The following ASPA variants were observed in gnomAD, a reference collection of about 807,000 sequenced individuals.
ASPA encodes the protein aspartoacylase.
ASPA carries 25 observed loss-of-function variants against 29.6 expected under a neutral mutation model. That is an observed-to-expected ratio of 0.85 (90% CI 0.62 to 1.18). The LOEUF (loss-of-function observed/expected upper bound fraction) is 1.18, where lower values mean the gene tolerates loss of function less well. Among genes scored for constraint, ASPA ranks in the 50% most tolerant of loss-of-function variants. The probability of loss-of-function intolerance (pLI) is 0.00; values close to 1 mark genes in which losing one functional copy is unlikely to be tolerated. For missense variants in ASPA, 333 were observed against 385.7 expected, an observed-to-expected ratio of 0.86 and a Z score of 1.14; for synonymous variants, 131 against 130.3, an observed-to-expected ratio of 1.01 and a Z score of -0.04.
chr17:3,489,235 G>T lies in ASPA; in HGVS notation c.527G>T (p.Gly176Val), dbSNP rs2073778831. ...TTRSIAKYPVGIEVGPQPQGV... is the reference protein window; with the variant it reads ...TTRSIAKYPVVIEVGPQPQGV... The stretch of plus-strand genomic sequence containing the variant: ...TGACTATCTCTCCTTCTGTACCTAG[G>T]TATAGAAGTTGGTCCTCAGCCTCAA... The change falls in exon 4 of 6, where the codon GGT becomes GTT. Residue 176 changes from glycine (G) to valine (V), a missense_variant and splice_region_variant. Gly to Val is a moderately radical substitution (Grantham distance 109). Coordinates refer to ENST00000263080, the MANE Select transcript of ASPA (RefSeq NM_000049.4). 1 of 1,591,556 alleles carries T rather than the reference G, an allele frequency of 6.3e-7. No individual in the cohort carries two copies. The highest frequency in any genetic ancestry group is 8.6e-7 in the Non-Finnish European group (1 of 1,160,986).
In ASPA at chr17:3,488,700, G is replaced by C. The variant is rs1265023605; in HGVS notation, c.527-535G>C. Among the ~76,000 whole-genome samples the C allele has an allele frequency of 6.6e-6, 1 of 152,106 alleles. No homozygotes were observed. The highest frequency in any genetic ancestry group is 1.5e-5 in the Non-Finnish European group (1 of 68,012). ...ATAAAACCATTGCACTATTGTGTTA[G>C]GATGGATTGCTAGGTTAAGGGCAAA... On this transcript the variant is annotated intron_variant, in intron 3 of 5. Transcript: ENST00000263080. The surrounding 1 kb of genome is among the most constrained non-coding windows in gnomAD (Gnocchi z 6.1).
At chr17:3,475,664 C>G (rs926842807), upstream of ASPA, 1 of 173,670 alleles carries the variant, frequency 5.8e-6, no homozygotes, top group Non-Finnish European at 1.2e-5. Context: ...ATGAAAAGTG[C>G]TTGAACTCAT....
chr17:3,496,891 C>G (rs1189631439), intron 5 of ASPA, among the ~76,000 whole-genome samples: 1 of 152,058 alleles, frequency 6.6e-6, no homozygotes, highest in Non-Finnish European at 1.5e-5. Flanking sequence ...ACGGTGAAAC[C>G]CCATCTCTAC....
At chr17:3,483,435 G>A in intron 2 of ASPA, 64 bp from the exon 3 acceptor site, 2 of 1,406,804 alleles carry the variant, frequency 1.4e-6, no homozygotes, top group Middle Eastern at 1.8e-4. Context: ...TATTGACTCT[G>A]TTGAAGCAAA....
At chr17:3,487,814 T>C (rs2073754003) in intron 3 of ASPA, among the ~76,000 whole-genome samples, 1 of 152,204 alleles carries the variant, frequency 6.6e-6, no homozygotes, top group Non-Finnish European at 1.5e-5. Flanking sequence ...AGGATTCTAT[T>C]AGAAACAGGA....
chr17:3,476,241 G>C lies in ASPA; in HGVS notation c.82G>C (p.Val28Leu). 1 of 1,614,180 alleles carries C rather than the reference G, an allele frequency of 6.2e-7. No individual in the cohort carries two copies. The highest frequency in any genetic ancestry group is 8.5e-7 in the Non-Finnish European group (1 of 1,180,030). ...AACCCATGGGAATGAGCTAACCGGA[G>C]TATTTCTGGTTAAGCATTGGCTAGA... Reference protein sequence around the residue: ...GGTHGNELTGVFLVKHWLENG... With the variant: ...GGTHGNELTGLFLVKHWLENG... The change falls in exon 1 of 6, where the codon GTA becomes CTA. Residue 28 changes from valine (V) to leucine (L), a missense_variant. Transcript: ENST00000263080.
rs1467728458 is a variant in ASPA at position 3,489,337 on chromosome 17, A to G, written c.629A>G (p.Asn210Ser). ...KHALDFIHHFNEGKEFPPCAI... is the reference protein window; with the variant it reads ...KHALDFIHHFSEGKEFPPCAI... ...GCTCTTGATTTTATACATCATTTCA[A>G]TGAAGGTAAGTAATAATGAAGGTAA... is the stretch of plus-strand genomic sequence containing the variant. Residue 210 changes from asparagine (N) to serine (S), a missense_variant, in exon 4 of 6, where the codon AAT becomes AGT. Transcript: ENST00000263080. 8 of 1,596,640 alleles carry G rather than the reference A, an allele frequency of 5.0e-6. No homozygotes were observed. Among genetic ancestry groups the G allele is most frequent in the Non-Finnish European group, 6.9e-6 (8 of 1,164,390 alleles).
In ASPA at chr17:3,501,339, G is replaced by A. The variant is rs1278065032; in HGVS notation, c.*2251G>A. The A allele has an allele frequency of 6.6e-6, 1 of 152,120 alleles. No homozygotes were observed. The highest frequency in any genetic ancestry group is 2.4e-5 in the African/African-American group (1 of 41,412). 9.4% of individuals were successfully genotyped at this position (152,120 alleles called of 1,614,324 possible). A position where few individuals can be genotyped will look rare whatever the true frequency, so the allele number is the denominator to read the frequency against. On this transcript the variant is annotated 3_prime_UTR_variant, in exon 6 of 6. Coordinates refer to ENST00000263080, the MANE Select transcript of ASPA (RefSeq NM_000049.4). The stretch of plus-strand genomic sequence containing the variant: ...GAGATCAAAATATCAACATTAACAG[G>A]AGTTTGGAAAAAGTGAATTCCAACC...
At position 3,499,073 on chromosome 17, in the gene ASPA, C is replaced by T. The variant is rs749049390; in HGVS notation, c.927C>T (p.Arg309=). Residue 309 remains arginine (R), a synonymous_variant, in exon 6 of 6, where the codon CGC becomes CGT. Coordinates refer to ENST00000263080, the MANE Select transcript of ASPA (RefSeq NM_000049.4). The part of the protein sequence containing the change: ...TKLTLNAKSI[R]CCLH ...TAACGCTCAATGCAAAAAGTATTCG[C>T]TGCTGTTTACATTAGAAATCACTTC... is the stretch of plus-strand genomic sequence containing the variant. 2.3e-5 allele frequency: 37 copies of T among 1,613,872 alleles called. No homozygotes were observed. The Admixed American group carries it at 3.3e-4, about 15-fold the overall frequency.
intron 5 of ASPA, among the ~76,000 whole-genome samples, chr17:3,494,686 G>A (rs566891155): frequency 7.2e-5 from 11 of 152,246 alleles, no homozygotes; most frequent in African/African-American, 2.6e-4. Flanking sequence ...CACGCTCAAT[G>A]GAATTTATAG....
chr17:3,477,128 C>CT (rs979692040), intron 1 of ASPA, among the ~76,000 whole-genome samples: 6 of 152,034 alleles, frequency 3.9e-5, no homozygotes, highest in African/African-American at 1.2e-4. Flanking sequence ...GCACTCCAGC[C>CT]TGGGAGACAG....
chr17:3,485,473 A>G lies in ASPA; in HGVS notation c.526+1881A>G, dbSNP rs60666840. ...GGTTGCAGTGAGCCGAGATCATGCC[A>G]TTGCACTCCAGCCGGGGCAACAAAA... On this transcript the variant is annotated intron_variant, in intron 3 of 5. Transcript: ENST00000263080. The surrounding 1 kb of genome is among the most constrained non-coding windows in gnomAD (Gnocchi z 4.4). Among the ~76,000 whole-genome samples the G allele has an allele frequency of 3.6e-3, 550 of 152,332 alleles. 5 individuals are homozygous for G. Among genetic ancestry groups the G allele is most frequent in the African/African-American group, 0.012 (502 of 41,574 alleles).
chr17:3,475,711 A>G (rs2073511361), upstream of ASPA: 1 of 184,988 alleles, frequency 5.4e-6, no homozygotes, highest in Non-Finnish European at 1.1e-5. Flanking sequence ...CCGTGGAAAT[A>G]CTGAGTGGGC....
At chr17:3,486,145 G>A (rs1448934705) in intron 3 of ASPA, among the ~76,000 whole-genome samples, 3 of 152,096 alleles carry the variant, frequency 2.0e-5, no homozygotes, top group South Asian at 2.1e-4. Context: ...TGTTGGCCAG[G>A]CTGGTTTCGA....
At chr17:3,498,153 A>G (rs1478355728) in intron 5 of ASPA, among the ~76,000 whole-genome samples, 1 of 152,150 alleles carries the variant, frequency 6.6e-6, no homozygotes, top group East Asian at 1.9e-4. Context: ...GCTCATTTTT[A>G]TATTTCCCAA....
chr17:3,483,387 C>T, intron 2 of ASPA, 112 bp from the exon 3 acceptor site: 1 of 888,006 alleles, frequency 1.1e-6, no homozygotes, highest in Admixed American at 1.8e-5. Context: ...AGCTGTCTTA[C>T]CAATCTTAGT....
rs201887670 is a variant in ASPA at position 3,494,392 on chromosome 17, T to C, written c.677T>C (p.Ile226Thr). 18 of 1,613,020 alleles carry C rather than the reference T, an allele frequency of 1.1e-5. No individual in the cohort carries two copies. Among genetic ancestry groups the C allele is most frequent in the East Asian group, 2.2e-5 (1 of 44,898 alleles). ...PPCAIEVYKIIEKVDYPRDEN... is the reference protein window; with the variant it reads ...PPCAIEVYKITEKVDYPRDEN... The stretch of plus-strand genomic sequence containing the variant: ...TGCGCCATTGAGGTCTATAAAATTA[T>C]AGAGAAAGTTGATTACCCCCGGGAT... The change falls in exon 5 of 6, where the codon ATA becomes ACA. Residue 226 changes from isoleucine to threonine, a missense_variant. By Grantham distance (89) the Ile-to-Thr change is moderately conservative (BLOSUM62 -1). Transcript: ENST00000263080.
intron 1 of ASPA, among the ~76,000 whole-genome samples, chr17:3,479,979 T>C (rs2073599232): frequency 1.3e-5 from 2 of 152,206 alleles, no homozygotes; most frequent in South Asian, 4.1e-4. Context: ...GAAAAACTAC[T>C]GGCCCTTGTG....
chr17:3,487,834 A>G (rs2073754620), intron 3 of ASPA, among the ~76,000 whole-genome samples: 1 of 152,224 alleles, frequency 6.6e-6, no homozygotes, highest in African/African-American at 2.4e-5. Flanking sequence ...AGGAAAGTGA[A>G]ATGGATTTGG....
Sources: allele counts gnomAD v4.1 joint callset (sites outside exome capture counted in the v4.1 genomes callset), GRCh38; gene constraint gnomAD v4.1.1; non-coding constraint Gnocchi (gnomAD v3.1); transcripts MANE v1.5; gene names NCBI Gene and HGNC (gene_info 2026-07-23, HGNC 2026-07-21).